The following PFKFB1 variants were observed in gnomAD, a reference collection of about 807,000 sequenced individuals.
PFKFB1 encodes 6-phosphofructo-2-kinase/fructose-2,6-biphosphatase 1.
In PFKFB1, 34 loss-of-function variants were observed where a neutral mutation model predicts 46.4. The observed-to-expected ratio is 0.73, with a 90% CI of 0.56 to 0.98. PFKFB1 has a LOEUF of 0.98. Ranked by LOEUF, PFKFB1 falls within the 50% of genes least tolerant of loss-of-function variation. The pLI, the probability that PFKFB1 is intolerant of heterozygous loss-of-function variation, is 0.00. For synonymous variants in PFKFB1, 119 were observed against 133.8 expected (o/e 0.89, Z 0.76); for missense variants, 393 against 376.3 (o/e 1.04, Z -0.37).
At chrX:54,950,330 C>A (rs1933932992) in intron 8 of PFKFB1, among the ~76,000 whole-genome samples, 1 of 111,806 alleles carries the variant, frequency 8.9e-6, no homozygotes, top group Non-Finnish European at 1.9e-5. Context: ...CCCTCGGACA[C>A]ATCCCTGCCC....
chrX:54,969,336 T>C (rs1934572917), intron 1 of PFKFB1, among the ~76,000 whole-genome samples: 1 of 111,553 alleles, frequency 9.0e-6, no homozygotes, highest in Admixed American at 9.5e-5. Flanking sequence ...GCCCCCACAC[T>C]CGCATGCACA....
intron 4 of PFKFB1, 83 bp downstream of exon 4, chrX:54,959,744 G>A: frequency 1.7e-6 from 1 of 586,152 alleles, no homozygotes; most frequent in Non-Finnish European, 2.9e-6. Flanking sequence ...ATAATGTTCT[G>A]TACACATTGG....
chrX:54,986,471 T>A (rs1005596507), intron 1 of PFKFB1, among the ~76,000 whole-genome samples: 9 of 111,476 alleles, frequency 8.1e-5, no homozygotes, highest in East Asian at 2.8e-4. Flanking sequence ...GACAAAAGGG[T>A]CAATCCATAA....
At chrX:54,988,846 A>G (rs1935170027) in intron 1 of PFKFB1, among the ~76,000 whole-genome samples, 1 of 112,298 alleles carries the variant, frequency 8.9e-6, no homozygotes, top group Admixed American at 9.4e-5. Context: ...ACTCAGAATA[A>G]ATTGAAAAAC....
In PFKFB1 at chrX:54,977,495, C is replaced by A. The variant is rs189969213; in HGVS notation, c.98-14113G>T. 3.5e-3 allele frequency among the ~76,000 whole-genome samples: 393 copies of A among 111,195 alleles called. 2 individuals are homozygous for A. Among genetic ancestry groups the A allele is most frequent in the African/African-American group, 0.012 (359 of 30,732 alleles). ...TATTTCACAGTCTAAGAAAGAAGCT[C>A]ATAGTAAACAAGGGAGAAGGTCTAG... On this transcript the variant is annotated intron_variant, in intron 1 of 13. Coordinates refer to ENST00000375006, the MANE Select transcript of PFKFB1 (RefSeq NM_002625.4).
intron 10 of PFKFB1, among the ~76,000 whole-genome samples, chrX:54,939,541 TA>T (rs1373917493): frequency 9.0e-6 from 1 of 110,978 alleles, no homozygotes; most frequent in Admixed American, 9.6e-5. Flanking sequence ...ATAGATGCAA[TA>T]AAAAATGATA....
intron 1 of PFKFB1, among the ~76,000 whole-genome samples, chrX:54,971,872 A>G (rs1419987216): frequency 9.0e-6 from 1 of 111,591 alleles, no homozygotes; most frequent in East Asian, 2.8e-4. Flanking sequence ...CAATTCTGTG[A>G]AGAAAGTCAT....
At chrX:54,989,591 G>A (rs1935191245) in intron 1 of PFKFB1, among the ~76,000 whole-genome samples, 1 of 112,093 alleles carries the variant, frequency 8.9e-6, no homozygotes, top group African/African-American at 3.2e-5. Flanking sequence ...GAGGTATATA[G>A]TACACTAAAC....
intron 1 of PFKFB1, among the ~76,000 whole-genome samples, chrX:54,989,138 C>A (rs1358442879): frequency 1.8e-5 from 2 of 111,221 alleles, no homozygotes; most frequent in African/African-American, 6.5e-5. Context: ...AAGAAAATGT[C>A]CTGGAATTAG....
intron 1 of PFKFB1, among the ~76,000 whole-genome samples, chrX:54,976,943 G>C (rs1359276505): frequency 9.0e-6 from 1 of 110,743 alleles, no homozygotes; most frequent in Non-Finnish European, 1.9e-5. Flanking sequence ...CAAAATTATA[G>C]GAACAGAGAA....
chrX:54,993,627 A>G (rs36000310), intron 1 of PFKFB1, among the ~76,000 whole-genome samples: 2 of 112,420 alleles, frequency 1.8e-5, no homozygotes, highest in Non-Finnish European at 3.8e-5. Context: ...AACAAGAAGC[A>G]TTCCAAACAA....
intron 1 of PFKFB1, among the ~76,000 whole-genome samples, chrX:54,974,720 C>T (rs1934789392): frequency 9.0e-6 from 1 of 111,554 alleles, no homozygotes; most frequent in African/African-American, 3.3e-5. Context: ...AAAGGACTAA[C>T]ATCCAGAATA....
intron 2 of PFKFB1, among the ~76,000 whole-genome samples, chrX:54,962,942 T>C (rs1934360607): frequency 8.9e-6 from 1 of 112,112 alleles, no homozygotes; most frequent in Non-Finnish European, 1.9e-5. Context: ...GGTATGGCAA[T>C]AATAGTAATG....
At chrX:54,991,845 A>G (rs1940216887) in intron 1 of PFKFB1, among the ~76,000 whole-genome samples, 1 of 111,985 alleles carries the variant, frequency 8.9e-6, no homozygotes, top group Non-Finnish European at 1.9e-5. Flanking sequence ...GGTGGTTCGC[A>G]TAAACATAAT....
chrX:54,989,068 G>A (rs1326044483), intron 1 of PFKFB1, among the ~76,000 whole-genome samples: 1 of 111,476 alleles, frequency 9.0e-6, no homozygotes, highest in Non-Finnish European at 1.9e-5. Flanking sequence ...TGGTTGCCAG[G>A]GGCTAAGGGG....
At chrX:54,955,300 G>A (rs139941956) in intron 7 of PFKFB1, among the ~76,000 whole-genome samples, 1 of 111,274 alleles carries the variant, frequency 9.0e-6, no homozygotes, top group African/African-American at 3.3e-5. Flanking sequence ...AGTTGGGTAA[G>A]GCCACTCTTT....
intron 1 of PFKFB1, among the ~76,000 whole-genome samples, chrX:54,974,351 G>A (rs1042526850): frequency 9.0e-6 from 1 of 111,326 alleles, no homozygotes; most frequent in Non-Finnish European, 1.9e-5. Context: ...ATAAAGTAGG[G>A]AAATGATACC....
intron 9 of PFKFB1, among the ~76,000 whole-genome samples, chrX:54,948,632 CTGGGT>C (rs1179913406): frequency 1.3e-4 from 15 of 111,957 alleles, no homozygotes; most frequent in Non-Finnish European, 2.4e-4. Context: ...CTTCTCATCT[CTGGGT>C]CTTCACATGA....
upstream of PFKFB1, among the ~76,000 whole-genome samples, chrX:54,995,345 G>C (rs907432284): frequency 8.9e-6 from 1 of 111,789 alleles, no homozygotes; most frequent in Non-Finnish European, 1.9e-5. Flanking sequence ...TCCAATCCCT[G>C]CCCTCAAATG....
Sources: allele counts gnomAD v4.1 joint callset (sites outside exome capture counted in the v4.1 genomes callset), GRCh38; gene constraint gnomAD v4.1.1; transcripts MANE v1.5; gene names NCBI Gene and HGNC (gene_info 2026-07-23, HGNC 2026-07-21).